NR2C2: variants seen among roughly 807,000 people sequenced by gnomAD.
The protein encoded by NR2C2 is Nuclear hormone receptor TR4.
Under a neutral mutation model 62.9 loss-of-function variants are expected in NR2C2, and 6 were observed. The observed-to-expected ratio is 0.10, with a 90% CI of 0.05 to 0.19. The LOEUF (loss-of-function observed/expected upper bound fraction) is 0.19. Ranked by LOEUF, NR2C2 falls within the 10% of genes least tolerant of loss-of-function variation. The pLI is 1.00. For missense variants in NR2C2, 479 were observed against 762.7 expected (o/e 0.63, Z 4.38); for synonymous variants, 272 against 273.8 (o/e 0.99, Z 0.07).
intron 1 of NR2C2, among the ~76,000 whole-genome samples, chr3:14,993,853 A>G (rs1479518638): frequency 6.6e-6 from 1 of 152,200 alleles, no homozygotes; most frequent in Non-Finnish European, 1.5e-5. Flanking sequence ...TAAAATTTGC[A>G]GATGTATCCC....
At chr3:14,969,153 AAG>A (rs1371737624) in intron 1 of NR2C2, among the ~76,000 whole-genome samples, 3 of 152,288 alleles carry the variant, frequency 2.0e-5, no homozygotes, top group Non-Finnish European at 2.9e-5. Flanking sequence ...AAATTAAAAA[AAG>A]AAAAAAAAAT....
chr3:15,039,114 G>GT lies in NR2C2; in HGVS notation c.1511-4dup, dbSNP rs1223391857. 1 of 1,606,082 alleles carries GT rather than the reference G, an allele frequency of 6.2e-7. No homozygotes were observed. Among genetic ancestry groups the GT allele is most frequent in the Non-Finnish European group, 8.5e-7 (1 of 1,173,478 alleles). On this transcript the variant is annotated splice_region_variant and splice_polypyrimidine_tract_variant and intron_variant, in intron 12 of 13. Transcript: ENST00000425241. ...GGGAACTGGGGGGGGGTACTTTTCTGTTTTCAGATCATCCAGGTTTGACCA... is the reference window on the plus strand; with the variant it reads ...GGGAACTGGGGGGGGGTACTTTTCTGTTTTTCAGATCATCCAGGTTTGACCA...
rs143952286 is a variant in NR2C2, at chr3:15,013,633, C to T, written c.117C>T (p.Thr39=). Residue 39 remains threonine, a synonymous_variant, in exon 3 of 14, where the codon ACC becomes ACT. Transcript: ENST00000425241. ...QQTGQKIQIV[T]AVDASGSPKQ... is the part of the protein sequence containing the mutation. ...CAGGACAGAAAATCCAGATAGTCAC[C>T]GCAGTGGACGCCTCCGGATCCCCCA... The T allele has an allele frequency of 3.7e-5, 60 of 1,614,016 alleles. No individual in the cohort carries two copies. Among genetic ancestry groups the T allele is most frequent in the Admixed American group, 1.2e-4 (7 of 60,002 alleles).
At chr3:14,966,496 A>G (rs2039863169) in intron 1 of NR2C2, among the ~76,000 whole-genome samples, 1 of 152,202 alleles carries the variant, frequency 6.6e-6, no homozygotes, top group Non-Finnish European at 1.5e-5. Context: ...CTGAGGTTGG[A>G]GGATCACTTG....
chr3:15,034,650 A>T lies in NR2C2; in HGVS notation c.1233-20A>T. 3 of 1,610,598 alleles carry T rather than the reference A, an allele frequency of 1.9e-6. No individual in the cohort carries two copies. The South Asian group carries it at 3.3e-5, about 18-fold the overall frequency. On this transcript the variant is annotated intron_variant, in intron 10 of 13. Transcript: ENST00000425241. ...AAATGCCAACACACACCACACTCAG[A>T]CTCCTTTCTATATTCCTAGGCAGGA...
intron 1 of NR2C2, among the ~76,000 whole-genome samples, chr3:14,999,701 G>A (rs975264907): frequency 3.1e-4 from 47 of 151,526 alleles, no homozygotes; most frequent in Non-Finnish European, 6.5e-4. Flanking sequence ...CAAGGTAGGT[G>A]TCCAGATTTG....
intron 4 of NR2C2, among the ~76,000 whole-genome samples, chr3:15,020,437 C>T (rs968343327): frequency 3.9e-5 from 6 of 152,240 alleles, no homozygotes; most frequent in Admixed American, 2.0e-4. Context: ...CAGCCGTCAC[C>T]TGTGAGCTCC....
At chr3:14,956,246 G>A (rs1364678047) in intron 1 of NR2C2, among the ~76,000 whole-genome samples, 3 of 152,178 alleles carry the variant, frequency 2.0e-5, no homozygotes, top group African/African-American at 7.2e-5. Context: ...ATGATTGCAA[G>A]TTTCAAGCTA....
Position 15,046,404 on chromosome 3 carries a change from T to C in NR2C2, c.*3396T>C, listed in dbSNP as rs574517841. 4 of 152,332 alleles carry C rather than the reference T, an allele frequency of 2.6e-5. No homozygotes were observed. The highest frequency in any genetic ancestry group is 7.2e-5 in the African/African-American group (3 of 41,590). 9.4% of individuals were successfully genotyped at this position (152,332 alleles called of 1,614,324 possible). ...AATATCCACGCTACACACATACTTA[T>C]TAGCTGTCTTACTTGTTTGGGGGAT... On this transcript the variant is annotated 3_prime_UTR_variant, in exon 14 of 14. Coordinates refer to ENST00000425241, the MANE Select transcript of NR2C2 (RefSeq NM_001291694.2).
At chr3:15,029,171 T>C (rs7629877) in intron 8 of NR2C2, among the ~76,000 whole-genome samples, 54,567 of 150,902 alleles carry the variant, frequency 0.36, 10,483 homozygotes, top group African/African-American at 0.48. Context: ...TCTAGAACTC[T>C]TGGGCTCAAG....
chr3:14,949,954 T>C (rs115363685), intron 1 of NR2C2, among the ~76,000 whole-genome samples: 1,663 of 152,298 alleles, frequency 0.011, 30 homozygotes, highest in African/African-American at 0.037. Context: ...GCAGTGTGAT[T>C]TTGTGTAAGC....
chr3:15,012,585 G>A (rs1455508034), intron 2 of NR2C2, among the ~76,000 whole-genome samples: 1 of 152,094 alleles, frequency 6.6e-6, no homozygotes, highest in African/African-American at 2.4e-5. Flanking sequence ...GTACTGTGCT[G>A]TAGGAAACTG....
At chr3:14,985,372 C>T (rs1484466265) in intron 1 of NR2C2, among the ~76,000 whole-genome samples, 10 of 151,958 alleles carry the variant, frequency 6.6e-5, no homozygotes, top group Non-Finnish European at 5.9e-5. Flanking sequence ...CATTTTTCTC[C>T]TGTGTTTTCA....
chr3:14,982,652 A>AT (rs530978134), intron 1 of NR2C2, among the ~76,000 whole-genome samples: 34 of 152,208 alleles, frequency 2.2e-4, no homozygotes, highest in Admixed American at 5.2e-4. Flanking sequence ...TTGTTTATAG[A>AT]TTTTTTTAAC....
intron 3 of NR2C2, among the ~76,000 whole-genome samples, chr3:15,014,064 A>G (rs2041431635): frequency 1.3e-5 from 2 of 152,210 alleles, no homozygotes; most frequent in African/African-American, 4.8e-5. Context: ...CACTGAGGCT[A>G]CTGGAGAATT....
At chr3:15,029,832 G>GATAC (rs1265898836) in intron 8 of NR2C2, among the ~76,000 whole-genome samples, 1 of 124,400 alleles carries the variant, frequency 8.0e-6, no homozygotes, top group Non-Finnish European at 1.7e-5. Flanking sequence ...TAGATAGATA[G>GATAC]ATAGATAGAT....
At chr3:14,995,653 G>T (rs2040811332) in intron 1 of NR2C2, among the ~76,000 whole-genome samples, 1 of 144,962 alleles carries the variant, frequency 6.9e-6, no homozygotes, top group African/African-American at 2.6e-5. Context: ...TTTTTCTGTG[G>T]ACACGTTTTC....
In NR2C2 at chr3:15,015,651, A is replaced by G. The variant is rs534754939; in HGVS notation, c.274-501A>G. 3.3e-5 allele frequency among the ~76,000 whole-genome samples: 5 copies of G among 152,362 alleles called. No homozygotes were observed. The South Asian group carries it at 1.0e-3, about 32-fold the overall frequency. On this transcript the variant is annotated intron_variant, in intron 3 of 13. Transcript: ENST00000425241. ...AGCGCCTGACCCTGGGAAACCAGCCAGCTGATGAGCAGTCCGGATGAGTGG... is the reference window on the plus strand; with the variant it reads ...AGCGCCTGACCCTGGGAAACCAGCCGGCTGATGAGCAGTCCGGATGAGTGG...
At chr3:15,021,281 CA>C (rs1439498814) in intron 5 of NR2C2, among the ~76,000 whole-genome samples, 1 of 152,146 alleles carries the variant, frequency 6.6e-6, no homozygotes, top group African/African-American at 2.4e-5. Context: ...GCCTCTCAGC[CA>C]CAGGGTCCTC....
Sources: gnomAD v4.1 joint callset for allele counts (sites outside exome capture counted in the v4.1 genomes callset) on GRCh38, gnomAD v4.1.1 for gene constraint, MANE v1.5 for transcripts, NCBI Gene and HGNC (gene_info 2026-07-23, HGNC 2026-07-21) for gene names.